MAP7D2: variants seen among roughly 807,000 people sequenced by gnomAD.
The protein encoded by MAP7D2 is MAP7 domain containing 2, also known as MAP7 domain-containing protein 2.
In MAP7D2, 33 loss-of-function variants were observed where a neutral mutation model predicts 63.5. The ratio of observed to expected loss-of-function variants is 0.52; its 90% CI spans 0.39 to 0.70. MAP7D2 has a LOEUF of 0.70. Ranked by LOEUF, MAP7D2 falls within the 30% of genes least tolerant of loss-of-function variation. The pLI is 0.00. For synonymous variants in MAP7D2, 224 were observed against 223.7 expected, an observed-to-expected ratio of 1.00 and a Z score of -0.01; for missense variants, 626 against 604.0, an observed-to-expected ratio of 1.04 and a Z score of -0.38.
At chrX:20,014,931 G>A (rs113735921) in intron 12 of MAP7D2, among the ~76,000 whole-genome samples, 8 of 110,986 alleles carry the variant, frequency 7.2e-5, no homozygotes, top group African/African-American at 2.6e-4. Context: ...TACTCAAGCT[G>A]GTCTGGAACT....
At chrX:20,102,935 T>C (rs766982825) in intron 1 of MAP7D2, among the ~76,000 whole-genome samples, 1 of 111,359 alleles carries the variant, frequency 9.0e-6, no homozygotes, top group Admixed American at 9.6e-5. Flanking sequence ...TACAATCTCA[T>C]TGTACAGACA....
Position 20,080,051 on chromosome X carries a change from C to T in MAP7D2, c.131-15246G>A, listed in dbSNP as rs183539913. Among the ~76,000 whole-genome samples, 666 of 111,674 alleles carry T rather than the reference C, an allele frequency of 6.0e-3. 2 individuals carry two copies. Among genetic ancestry groups the T allele is most frequent in the South Asian group, 0.027 (72 of 2,622 alleles). On this transcript the variant is annotated intron_variant, in intron 1 of 16. Transcript: ENST00000379643. ...CGGGCACCATGATATGAAAGCTTAG[C>T]TCCCACCCTGGATCCTCATCTGGGA...
At chrX:20,016,411 G>T in intron 10 of MAP7D2, 86 bp from the exon 11 acceptor site, 1 of 776,513 alleles carries the variant, frequency 1.3e-6, no homozygotes, top group Non-Finnish European at 1.9e-6. Flanking sequence ...CGAGAATAAT[G>T]CTCCACATGG....
chrX:20,115,105 G>A lies in MAP7D2; in HGVS notation c.130+1645C>T, dbSNP rs751312950. ...TTTTTCTATATTTCCAATTTCAAAT[G>A]AAGGAAGATATCCTTAAGCTAATCT... On this transcript the variant is annotated intron_variant, in intron 1 of 16. Coordinates refer to ENST00000379643, the MANE Select transcript of MAP7D2 (RefSeq NM_001168465.2). 7.0e-4 allele frequency among the ~76,000 whole-genome samples: 77 copies of A among 110,339 alleles called. No individual in the cohort carries two copies. In the Middle Eastern group the frequency reaches 0.019, roughly 27 times the overall value.
At chrX:20,039,982 A>G (rs1224752663) in intron 8 of MAP7D2, among the ~76,000 whole-genome samples, 2 of 92,826 alleles carry the variant, frequency 2.2e-5, no homozygotes, top group Non-Finnish European at 4.2e-5. Context: ...CTGGTGACAG[A>G]GCAAGACTCC....
Position 20,010,773 on chromosome X carries a change from G to C in MAP7D2, c.*26+4C>G. The C allele has an allele frequency of 8.4e-7, 1 of 1,188,701 alleles. No homozygotes were observed. The highest frequency in any genetic ancestry group is 1.1e-6 in the Non-Finnish European group (1 of 881,481). On this transcript the variant is annotated splice_donor_region_variant and intron_variant, in intron 16 of 16. Coordinates refer to ENST00000379643, the MANE Select transcript of MAP7D2 (RefSeq NM_001168465.2). ...GAAGTTAGAATATAATCAAAAGACTGTACCTTTTATTAAAGGGATGCTGTA... is the reference window on the plus strand; with the variant it reads ...GAAGTTAGAATATAATCAAAAGACTCTACCTTTTATTAAAGGGATGCTGTA...
At chrX:20,081,654 ATTT>A (rs1282695162) in intron 1 of MAP7D2, among the ~76,000 whole-genome samples, 1 of 95,278 alleles carries the variant, frequency 1.0e-5, no homozygotes, top group African/African-American at 3.8e-5. Flanking sequence ...ATCAGATCTG[ATTT>A]TTTTTTTTTT....
rs1380070837 is a variant in MAP7D2 at position 20,082,379 on chromosome X, A to G, written c.131-17574T>C. 2.7e-5 allele frequency among the ~76,000 whole-genome samples: 3 copies of G among 111,852 alleles called. No individual in the cohort carries two copies. In the Admixed American group the frequency reaches 2.9e-4, roughly 11 times the overall value. On this transcript the variant is annotated intron_variant, in intron 1 of 16. Coordinates refer to ENST00000379643, the MANE Select transcript of MAP7D2 (RefSeq NM_001168465.2). Reference sequence around the variant, plus strand: ...TGTCTCTACAAAAAATATTTTTTTAATTAGAGAGTAAAACTCTTGGTATTA... The same window carrying G: ...TGTCTCTACAAAAAATATTTTTTTAGTTAGAGAGTAAAACTCTTGGTATTA...
At chrX:20,027,757 GGAGAGAGAGAGAGA>G (rs56796954) in intron 8 of MAP7D2, among the ~76,000 whole-genome samples, 1 of 76,251 alleles carries the variant, frequency 1.3e-5, no homozygotes, top group Non-Finnish European at 2.5e-5. Flanking sequence ...GAAGGCGGGG[GGAGAGAGAGAGAGA>G]GAGAGAGAGA....
intron 1 of MAP7D2, among the ~76,000 whole-genome samples, chrX:20,098,982 C>G (rs890835649): frequency 1.8e-5 from 2 of 112,869 alleles, no homozygotes; most frequent in Non-Finnish European, 3.7e-5. Flanking sequence ...GTGACCCACT[C>G]TGGCACAGCC....
rs2066903505 is a variant in MAP7D2, at chrX:20,116,693, C to T, written c.130+57G>A. 5.1e-5 allele frequency: 57 copies of T among 1,107,901 alleles called. No individual in the cohort carries two copies. The South Asian group carries it at 1.3e-3, about 24-fold the overall frequency. 91.3% of individuals were successfully genotyped at this position (1,107,901 alleles called of 1,213,427 possible). On this transcript the variant is annotated intron_variant, in intron 1 of 16. Transcript: ENST00000379643. ...GACCTTTGCCCTGGGCCGCCGGGCC[C>T]GCCCCCCCACAGGAACCCGAAGCCC...
chrX:20,013,704 C>T (rs1212697871), intron 12 of MAP7D2, 79 bp from the exon 13 acceptor site: 2 of 673,419 alleles, frequency 3.0e-6, no homozygotes, highest in Non-Finnish European at 4.5e-6. Flanking sequence ...GGTTTACATG[C>T]AATGTCACAT....
At chrX:20,011,125 A>G in intron 15 of MAP7D2, 73 bp from the exon 16 acceptor site, 1 of 1,033,681 alleles carries the variant, frequency 9.7e-7, no homozygotes, top group Non-Finnish European at 1.3e-6. Context: ...TATTAATTCT[A>G]TTTGCAATAT....
chrX:20,096,725 T>C (rs1041666563), intron 1 of MAP7D2, among the ~76,000 whole-genome samples: 31 of 111,518 alleles, frequency 2.8e-4, no homozygotes, highest in African/African-American at 1.0e-3. Flanking sequence ...TGTGAATGTA[T>C]TTAATGCCAC....
chrX:20,049,867 T>C (rs764062495), intron 6 of MAP7D2: 1 of 325,493 alleles, frequency 3.1e-6, no homozygotes, highest in Non-Finnish European at 6.0e-6. Context: ...TTTAAAAAAA[T>C]TCTAGTCATC....
chrX:20,011,680 C>T (rs1270994754), intron 15 of MAP7D2, among the ~76,000 whole-genome samples: 2 of 112,564 alleles, frequency 1.8e-5, no homozygotes, highest in African/African-American at 3.2e-5. Flanking sequence ...CCACAGCCCA[C>T]GTCATCACTG....
chrX:20,025,574 C>G (rs1380816624), intron 9 of MAP7D2, 107 bp downstream of exon 9: 5 of 1,001,737 alleles, frequency 5.0e-6, no homozygotes, highest in Non-Finnish European at 6.8e-6. Context: ...ATGCACTTGT[C>G]CCCAGAGAAA....
intron 1 of MAP7D2, among the ~76,000 whole-genome samples, chrX:20,096,120 AAAGAAAAGAAAAG>A (rs1282343457): frequency 9.6e-6 from 1 of 104,368 alleles, no homozygotes. Flanking sequence ...AAAAAGAAAA[AAAGAAAAGAAAAG>A]AAAAGAAATT....
At chrX:20,115,197 C>T (rs1206806882) in intron 1 of MAP7D2, among the ~76,000 whole-genome samples, 1 of 106,889 alleles carries the variant, frequency 9.4e-6, no homozygotes, top group Admixed American at 1.0e-4. Context: ...AAGAATCTCC[C>T]CCGCAAAAGT....
Sources: gnomAD v4.1 joint callset for allele counts (sites outside exome capture counted in the v4.1 genomes callset) on GRCh38, gnomAD v4.1.1 for gene constraint, MANE v1.5 for transcripts, NCBI Gene and HGNC (gene_info 2026-07-23, HGNC 2026-07-21) for gene names.